TMEM163: variants seen among roughly 807,000 people sequenced by gnomAD.
The protein encoded by TMEM163 is transmembrane protein 163.
TMEM163 carries 17 observed loss-of-function variants against 29.3 expected under a neutral mutation model. The ratio of observed to expected loss-of-function variants is 0.58; its 90% CI spans 0.40 to 0.87. TMEM163 has a LOEUF of 0.87. TMEM163 is among the 40% of genes least tolerant of loss of function. TMEM163 has a pLI of 0.00. For missense variants in TMEM163, 303 were observed against 381.5 expected, an observed-to-expected ratio of 0.79 and a Z score of 1.71; for synonymous variants, 157 against 160.6, an observed-to-expected ratio of 0.98 and a Z score of 0.17.
intron 6 of TMEM163, among the ~76,000 whole-genome samples, chr2:134,461,548 C>A (rs1479579781): frequency 2.0e-5 from 3 of 152,180 alleles, no homozygotes; most frequent in Non-Finnish European, 4.4e-5. Flanking sequence ...TAGTACAAAG[C>A]AAGCTTCAGC....
At chr2:134,552,382 GAGA>G (rs1680949708) in intron 2 of TMEM163, among the ~76,000 whole-genome samples, 3 of 152,156 alleles carry the variant, frequency 2.0e-5, no homozygotes, top group Admixed American at 1.3e-4. Context: ...CTGATACTTT[GAGA>G]ATTTAGCAAC....
Position 134,617,376 on chromosome 2 carries a change from C to T in TMEM163, c.323-65285G>A, listed in dbSNP as rs140893401. On this transcript the variant is annotated intron_variant, in intron 2 of 7. Coordinates refer to ENST00000281924, the MANE Select transcript of TMEM163 (RefSeq NM_030923.5). ...CTGTAATCCCAGCACTTTCGGAGGCCGAGGCGGGCAGATTACCTGAGGTCA... is the reference window on the plus strand; with the variant it reads ...CTGTAATCCCAGCACTTTCGGAGGCTGAGGCGGGCAGATTACCTGAGGTCA... Among the ~76,000 whole-genome samples the T allele has an allele frequency of 6.5e-4, 99 of 152,072 alleles. 2 individuals are homozygous for T. In the East Asian group the frequency reaches 0.013, roughly 20 times the overall value.
At chr2:134,712,119 C>T (rs1684939924) in intron 2 of TMEM163, among the ~76,000 whole-genome samples, 1 of 152,162 alleles carries the variant, frequency 6.6e-6, no homozygotes, top group Admixed American at 6.6e-5. Context: ...GAATGCATTG[C>T]CCTCCACTTC....
In TMEM163 at chr2:134,568,995, C is replaced by T. The variant is rs74631862; in HGVS notation, c.323-16904G>A. ...TCACTATGCCAAAGACCCACAGTGACGCTGGTTACCAGTTACAAATAGCCT... is the reference window on the plus strand; with the variant it reads ...TCACTATGCCAAAGACCCACAGTGATGCTGGTTACCAGTTACAAATAGCCT... On this transcript the variant is annotated intron_variant, in intron 2 of 7. Coordinates refer to ENST00000281924, the MANE Select transcript of TMEM163 (RefSeq NM_030923.5). Among the ~76,000 whole-genome samples the T allele has an allele frequency of 3.2e-3, 488 of 152,270 alleles. 2 individuals carry two copies. The East Asian group carries it at 0.039, about 12-fold the overall frequency.
At chr2:134,569,648 C>A (rs1264662070) in intron 2 of TMEM163, among the ~76,000 whole-genome samples, 2 of 152,010 alleles carry the variant, frequency 1.3e-5, no homozygotes, top group Non-Finnish European at 2.9e-5. Flanking sequence ...TGTTTCAGTA[C>A]TCAGAGACGG....
At chr2:134,510,233 A>G (rs930508185) in intron 4 of TMEM163, among the ~76,000 whole-genome samples, 7 of 152,232 alleles carry the variant, frequency 4.6e-5, no homozygotes, top group Non-Finnish European at 1.0e-4. Context: ...TGCTTAGGGA[A>G]AAAATGAATA....
chr2:134,610,722 A>G (rs777720064), intron 2 of TMEM163, among the ~76,000 whole-genome samples: 28 of 152,136 alleles, frequency 1.8e-4, no homozygotes, highest in Non-Finnish European at 4.1e-4. Flanking sequence ...CACTTTCAGA[A>G]ATTTGAACAC....
At chr2:134,610,134 A>G (rs1007817069) in intron 2 of TMEM163, among the ~76,000 whole-genome samples, 15 of 152,214 alleles carry the variant, frequency 9.9e-5, no homozygotes, top group Admixed American at 3.9e-4. Context: ...CTCTTCTGAC[A>G]AGGGTTGAGG....
chr2:134,567,000 A>G (rs1558947764), intron 2 of TMEM163, among the ~76,000 whole-genome samples: 1 of 152,208 alleles, frequency 6.6e-6, no homozygotes, highest in African/African-American at 2.4e-5. Flanking sequence ...TCTTTATGAT[A>G]CAATTTCAGA....
chr2:134,640,663 G>T (rs1199993609), intron 2 of TMEM163, among the ~76,000 whole-genome samples: 1 of 152,126 alleles, frequency 6.6e-6, no homozygotes, highest in African/African-American at 2.4e-5. Flanking sequence ...GCCCCAGGGG[G>T]ACAAACCCTG....
At chr2:134,498,467 G>A (rs1214341049) in intron 5 of TMEM163, among the ~76,000 whole-genome samples, 1 of 151,404 alleles carries the variant, frequency 6.6e-6, no homozygotes, top group African/African-American at 2.4e-5. Flanking sequence ...GGGATTACAG[G>A]CTACCACCAC....
intron 1 of TMEM163, chr2:134,713,552 A>G (rs1178362076): frequency 1.5e-6 from 1 of 664,832 alleles, no homozygotes; most frequent in Non-Finnish European, 2.7e-6. Context: ...CTGCAGGGTA[A>G]CAGCAGCTGT....
intron 5 of TMEM163, among the ~76,000 whole-genome samples, chr2:134,499,416 A>G (rs1679652760): frequency 6.6e-6 from 1 of 152,200 alleles, no homozygotes; most frequent in South Asian, 2.1e-4. Flanking sequence ...AATCTGTTTC[A>G]TGAACCACCT....
chr2:134,552,201 C>A, intron 2 of TMEM163, 110 bp from the exon 3 acceptor site: 1 of 786,600 alleles, frequency 1.3e-6, no homozygotes, highest in Non-Finnish European at 2.0e-6. Context: ...TCCAAGAGAA[C>A]AAAACCAAAA....
intron 2 of TMEM163, among the ~76,000 whole-genome samples, chr2:134,659,140 G>T (rs1683689659): frequency 6.6e-6 from 1 of 152,090 alleles, no homozygotes; most frequent in South Asian, 2.1e-4. Flanking sequence ...GAATACTATA[G>T]GCAACTGTAA....
intron 4 of TMEM163, among the ~76,000 whole-genome samples, chr2:134,523,788 C>A (rs1186374254): frequency 6.6e-6 from 1 of 152,202 alleles, no homozygotes; most frequent in Non-Finnish European, 1.5e-5. Context: ...AGTAACACTA[C>A]TCCAGTGGTT....
intron 2 of TMEM163, among the ~76,000 whole-genome samples, chr2:134,709,591 T>C (rs1684884683): frequency 6.6e-6 from 1 of 152,192 alleles, no homozygotes; most frequent in African/African-American, 2.4e-5. Flanking sequence ...CCTGGAAGCT[T>C]ATAGGAGATG....
At chr2:134,569,061 T>C (rs1015290780) in intron 2 of TMEM163, among the ~76,000 whole-genome samples, 2 of 152,214 alleles carry the variant, frequency 1.3e-5, no homozygotes, top group Non-Finnish European at 2.9e-5. Flanking sequence ...GAGAGCTGTG[T>C]TTTTGACATT....
intron 4 of TMEM163, among the ~76,000 whole-genome samples, chr2:134,511,141 G>A (rs964292233): frequency 8.4e-6 from 1 of 119,740 alleles, no homozygotes; most frequent in African/African-American, 3.8e-5. Flanking sequence ...CAGAAAAAAG[G>A]GGAGAACAAG....
Sources: allele counts gnomAD v4.1 joint callset (sites outside exome capture counted in the v4.1 genomes callset), GRCh38; gene constraint gnomAD v4.1.1; transcripts MANE v1.5; gene names NCBI Gene and HGNC (gene_info 2026-07-23, HGNC 2026-07-21).